The following SEMA3E variants were observed in gnomAD, a reference collection of about 807,000 sequenced individuals.
SEMA3E encodes semaphorin-3E.
SEMA3E carries 49 observed loss-of-function variants against 93.6 expected under a neutral mutation model. The ratio of observed to expected loss-of-function variants is 0.52; its 90% CI spans 0.42 to 0.66. The LOEUF is 0.66. Ranked by LOEUF, SEMA3E falls within the 30% of genes least tolerant of loss-of-function variation. SEMA3E has a pLI of 0.00. For missense variants in SEMA3E, 906 were observed against 964.8 expected (o/e 0.94, Z 0.81); for synonymous variants, 363 against 330.7 (o/e 1.10, Z -1.06).
At position 83,392,699 on chromosome 7, in the gene SEMA3E, G is replaced by A. The variant is rs867199359; in HGVS notation, c.1523C>T (p.Ala508Val). 6.2e-7 allele frequency: 1 copy of A among 1,613,846 alleles called. No homozygotes were observed. Among genetic ancestry groups the A allele is most frequent in the Non-Finnish European group, 8.5e-7 (1 of 1,179,856 alleles). ...SKRQQLYIGS[A>V]SAVAQVRFHH... The stretch of plus-strand genomic sequence containing the variant: ...GAATCTGACTTGAGCCACAGCAGAA[G>A]CAGATCCAATATACAGCTGTTGCTA... The change falls in exon 14 of 17, where the codon GCT becomes GTT. Residue 508 changes from alanine to valine, a missense_variant. Ala to Val is a moderately conservative substitution (Grantham distance 64). Coordinates refer to ENST00000643230, the MANE Select transcript of SEMA3E (RefSeq NM_012431.3).
At chr7:83,428,423 A>G (rs1562777899) in intron 4 of SEMA3E, among the ~76,000 whole-genome samples, 1 of 152,212 alleles carries the variant, frequency 6.6e-6, no homozygotes, top group East Asian at 1.9e-4. Context: ...TGTTCATTAC[A>G]TATATTTCTG....
intron 16 of SEMA3E, among the ~76,000 whole-genome samples, chr7:83,384,053 C>G (rs544978225): frequency 6.6e-6 from 1 of 152,030 alleles, no homozygotes; most frequent in South Asian, 2.1e-4. Context: ...TTTTCCTTTC[C>G]TGATTGCATT....
intron 6 of SEMA3E, among the ~76,000 whole-genome samples, 199 bp from the exon 7 acceptor site, chr7:83,407,438 C>T (rs889921843): frequency 6.6e-6 from 1 of 151,952 alleles, no homozygotes; most frequent in Non-Finnish European, 1.5e-5. Context: ...ATTAACAGCC[C>T]TTTTAGAAAT....
At chr7:83,429,903 AAAAT>A (rs1465685343) in intron 4 of SEMA3E, among the ~76,000 whole-genome samples, 3 of 152,218 alleles carry the variant, frequency 2.0e-5, no homozygotes, top group Non-Finnish European at 4.4e-5. Flanking sequence ...CTGGAAAAAA[AAAAT>A]GACTTCACTG....
At chr7:83,522,478 T>C (rs948655908) in intron 1 of SEMA3E, among the ~76,000 whole-genome samples, 5 of 152,092 alleles carry the variant, frequency 3.3e-5, no homozygotes, top group African/African-American at 1.2e-4. Context: ...AAGTTCACTG[T>C]AGGATCAGGC....
intron 1 of SEMA3E, among the ~76,000 whole-genome samples, chr7:83,610,472 A>G (rs1793228621): frequency 6.6e-6 from 1 of 152,078 alleles, no homozygotes; most frequent in Non-Finnish European, 1.5e-5. Context: ...TAGATATTAT[A>G]AATGTTACAA....
intron 1 of SEMA3E, among the ~76,000 whole-genome samples, chr7:83,616,072 C>T (rs1378806921): frequency 1.3e-5 from 2 of 151,780 alleles, no homozygotes; most frequent in African/African-American, 4.8e-5. Context: ...CTAGATAACC[C>T]GTTGGGGTCC....
At position 83,427,651 on chromosome 7, in the gene SEMA3E, T is replaced by C. The variant is rs140787497; in HGVS notation, c.457-9168A>G. On this transcript the variant is annotated intron_variant, in intron 4 of 16. Transcript: ENST00000643230. ...CTTCTCACGTTATTTTGAGAGTTCA[T>C]TGTGGTCTTAAACGCAGTGTTTCAT... 3.5e-3 allele frequency among the ~76,000 whole-genome samples: 537 copies of C among 152,302 alleles called. 3 individuals carry two copies. Among genetic ancestry groups the C allele is most frequent in the South Asian group, 0.029 (142 of 4,824 alleles).
At chr7:83,558,164 A>T (rs915281383) in intron 1 of SEMA3E, among the ~76,000 whole-genome samples, 4 of 152,132 alleles carry the variant, frequency 2.6e-5, no homozygotes, top group African/African-American at 9.7e-5. Context: ...AAACAATTTC[A>T]GTAAATGGTG....
At chr7:83,526,200 A>G (rs1168268783) in intron 1 of SEMA3E, among the ~76,000 whole-genome samples, 1 of 152,108 alleles carries the variant, frequency 6.6e-6, no homozygotes, top group Non-Finnish European at 1.5e-5. Flanking sequence ...GTGGTGGTAC[A>G]ATTTACACCA....
chr7:83,547,439 A>G (rs1205518056), intron 1 of SEMA3E, among the ~76,000 whole-genome samples: 1 of 152,080 alleles, frequency 6.6e-6, no homozygotes, highest in African/African-American at 2.4e-5. Flanking sequence ...GCCCAAATCT[A>G]TGTAAGAAAA....
At chr7:83,507,311 G>A (rs1790722274) in intron 1 of SEMA3E, among the ~76,000 whole-genome samples, 2 of 152,022 alleles carry the variant, frequency 1.3e-5, no homozygotes, top group Admixed American at 6.6e-5. Flanking sequence ...CCACTGGAAG[G>A]GAGCAAATGC....
chr7:83,482,501 C>T (rs540925687), intron 2 of SEMA3E, among the ~76,000 whole-genome samples: 1 of 132,782 alleles, frequency 7.5e-6, no homozygotes, highest in East Asian at 2.4e-4. Flanking sequence ...GGAGGCGGAG[C>T]TTGTAGTGAG....
chr7:83,540,120 T>G (rs1791490426), intron 1 of SEMA3E, among the ~76,000 whole-genome samples: 1 of 152,178 alleles, frequency 6.6e-6, no homozygotes, highest in Admixed American at 6.5e-5. Context: ...TGACCTCAGT[T>G]GATCCACCCT....
chr7:83,517,449 T>G (rs760664961), intron 1 of SEMA3E, among the ~76,000 whole-genome samples: 4 of 152,202 alleles, frequency 2.6e-5, no homozygotes, highest in Non-Finnish European at 4.4e-5. Flanking sequence ...TAGGAAATGC[T>G]GCTTTTGCTA....
At chr7:83,571,695 T>C (rs972477234) in intron 1 of SEMA3E, among the ~76,000 whole-genome samples, 2 of 152,110 alleles carry the variant, frequency 1.3e-5, no homozygotes, top group African/African-American at 2.4e-5. Flanking sequence ...ACCACTCCTA[T>C]TCAACATAGT....
At position 83,440,125 on chromosome 7, in the gene SEMA3E, A is replaced by G. The variant is rs183296608; in HGVS notation, c.457-21642T>C. ...TATTGCTTCATCACAAATATTTAAT[A>G]GAAGTATCTAAGTTCATGGTAATCC... On this transcript the variant is annotated intron_variant, in intron 4 of 16. Transcript: ENST00000643230. Among the ~76,000 whole-genome samples the G allele has an allele frequency of 2.9e-4, 44 of 152,320 alleles. 1 individual carries two copies. In the East Asian group the frequency reaches 8.1e-3, roughly 28 times the overall value.
chr7:83,403,632 ATAAT>A (rs1239493638), intron 9 of SEMA3E, among the ~76,000 whole-genome samples: 2 of 151,996 alleles, frequency 1.3e-5, no homozygotes, highest in Admixed American at 1.3e-4. Flanking sequence ...AAGAATCCAA[ATAAT>A]TAATGTTTGT....
At chr7:83,480,501 T>A (rs1790123397) in intron 2 of SEMA3E, among the ~76,000 whole-genome samples, 1 of 152,294 alleles carries the variant, frequency 6.6e-6, no homozygotes, top group Non-Finnish European at 1.5e-5. Flanking sequence ...TTCTATACTT[T>A]TTTTTTCTTC....
Sources: allele counts gnomAD v4.1 joint callset (sites outside exome capture counted in the v4.1 genomes callset), GRCh38; gene constraint gnomAD v4.1.1; transcripts MANE v1.5; gene names NCBI Gene and HGNC (gene_info 2026-07-23, HGNC 2026-07-21).